ERC2: variants seen among roughly 807,000 people sequenced by gnomAD.
ERC2 encodes the protein ELKS/RAB6-interacting/CAST family member 2.
A neutral mutation model predicts 114.8 loss-of-function variants in ERC2; 42 were observed. The ratio of observed to expected loss-of-function variants is 0.37; its 90% confidence interval spans 0.29 to 0.47. The LOEUF (loss-of-function observed/expected upper bound fraction) is 0.47, where lower values mean the gene tolerates loss of function less well. ERC2 is among the 20% of genes least tolerant of loss of function. ERC2 has a pLI of 0.99. For synonymous variants in ERC2, 454 were observed against 425.5 expected (o/e 1.07, Z -0.82); for missense variants, 939 against 1,150.7 (o/e 0.82, Z 2.66).
Position 55,591,681 on chromosome 3 carries a change from A to G in ERC2, c.*40-80405T>C, listed in dbSNP as rs80348464. On this transcript the variant is annotated intron_variant, in intron 17 of 17. Coordinates refer to ENST00000288221, the MANE Select transcript of ERC2 (RefSeq NM_015576.3). ...TCCGCAATGAGGAAAAATAAGCACA[A>G]GTCTTGAGTGGGTCCCGGGGGTCTC... 8.4e-3 allele frequency among the ~76,000 whole-genome samples: 1,274 copies of G among 152,092 alleles called. 23 individuals are homozygous for G. Among genetic ancestry groups the G allele is most frequent in the African/African-American group, 0.029 (1,196 of 41,470 alleles).
At chr3:56,034,037 A>T (rs1190451001) in intron 7 of ERC2, among the ~76,000 whole-genome samples, 4 of 152,254 alleles carry the variant, frequency 2.6e-5, no homozygotes, top group Non-Finnish European at 5.9e-5. Context: ...AGAATGTCTA[A>T]ATTGATTTTT....
At position 56,173,692 on chromosome 3, in the gene ERC2, G is replaced by A. The variant is rs76369011; in HGVS notation, c.1075-172C>T. 4.0e-3 allele frequency: 2,282 copies of A among 565,508 alleles called. 25 individuals are homozygous for A. Among genetic ancestry groups the A allele is most frequent in the East Asian group, 0.024 (771 of 32,104 alleles). The allele number at this position is 565,508 out of a possible 1,614,324, so 35.0% of individuals were successfully genotyped here. On this transcript the variant is annotated intron_variant, in intron 3 of 17. Coordinates refer to ENST00000288221, the MANE Select transcript of ERC2 (RefSeq NM_015576.3). ...TTAGCATCCCTCCTGCCTGGAGCCT[G>A]CGTTCCGGTGAAAAGCTCCTGGCAC...
chr3:55,749,202 G>C (rs962904263), intron 14 of ERC2, among the ~76,000 whole-genome samples: 1 of 152,174 alleles, frequency 6.6e-6, no homozygotes, highest in African/African-American at 2.4e-5. Context: ...ACCACTTAGT[G>C]AGAAAACATC....
chr3:55,746,120 T>C (rs961891057), intron 14 of ERC2, among the ~76,000 whole-genome samples: 3 of 152,186 alleles, frequency 2.0e-5, no homozygotes, highest in Non-Finnish European at 4.4e-5. Flanking sequence ...TAAATTGTAA[T>C]ACAAAACAAA....
intron 16 of ERC2, 41 bp from the exon 17 acceptor site, chr3:55,683,900 G>A (rs1376678430): frequency 6.2e-6 from 10 of 1,600,156 alleles, no homozygotes; most frequent in Non-Finnish European, 8.5e-6. Flanking sequence ...AGAGAGGAGG[G>A]GAGCACCAGA....
At chr3:56,447,811 C>T (rs2062647728) in intron 1 of ERC2, among the ~76,000 whole-genome samples, 1 of 150,748 alleles carries the variant, frequency 6.6e-6, no homozygotes, top group Admixed American at 6.6e-5. Context: ...GGTGTGATCT[C>T]GGCTCACTGC....
At chr3:56,071,627 T>C (rs1242772933) in intron 7 of ERC2, among the ~76,000 whole-genome samples, 1 of 152,218 alleles carries the variant, frequency 6.6e-6, no homozygotes, top group Non-Finnish European at 1.5e-5. Context: ...GATGAATGAA[T>C]GGGCAGGCTT....
chr3:55,744,080 T>C (rs908032466), intron 14 of ERC2, among the ~76,000 whole-genome samples: 1 of 152,186 alleles, frequency 6.6e-6, no homozygotes, highest in Non-Finnish European at 1.5e-5. Context: ...ATCAGACTGA[T>C]TGCCAGCCCA....
intron 13 of ERC2, among the ~76,000 whole-genome samples, chr3:55,936,284 A>C (rs968802194): frequency 6.6e-6 from 1 of 152,178 alleles, no homozygotes; most frequent in Non-Finnish European, 1.5e-5. Context: ...CTGCTCACTT[A>C]TAATAACTCA....
At chr3:55,894,372 A>C (rs1405716571) in intron 13 of ERC2, among the ~76,000 whole-genome samples, 1 of 152,188 alleles carries the variant, frequency 6.6e-6, no homozygotes, top group East Asian at 1.9e-4. Flanking sequence ...GGTAATTTTT[A>C]CTCAAATTAT....
chr3:55,735,817 C>T (rs1013005815), intron 14 of ERC2, among the ~76,000 whole-genome samples: 4 of 152,050 alleles, frequency 2.6e-5, no homozygotes, highest in Non-Finnish European at 5.9e-5. Flanking sequence ...ACTGGAAACC[C>T]TGTTCTATTT....
chr3:55,852,790 C>A (rs1404314484), intron 14 of ERC2, among the ~76,000 whole-genome samples: 1 of 152,118 alleles, frequency 6.6e-6, no homozygotes, highest in East Asian at 1.9e-4. Context: ...AAATTTGTTT[C>A]AAAATTACTC....
At chr3:55,730,355 C>T (rs1001567537) in intron 15 of ERC2, among the ~76,000 whole-genome samples, 2 of 152,086 alleles carry the variant, frequency 1.3e-5, no homozygotes, top group African/African-American at 4.8e-5. Flanking sequence ...GAGAGTCTGG[C>T]AGAGTAGGTA....
At chr3:55,829,034 T>A (rs1334251121) in intron 14 of ERC2, among the ~76,000 whole-genome samples, 1 of 152,102 alleles carries the variant, frequency 6.6e-6, no homozygotes, top group African/African-American at 2.4e-5. Flanking sequence ...AGGAGGCTAA[T>A]GTGGGAGGAT....
At chr3:55,998,551 T>G (rs1224785046) in intron 10 of ERC2, among the ~76,000 whole-genome samples, 2 of 152,212 alleles carry the variant, frequency 1.3e-5, no homozygotes, top group Admixed American at 6.5e-5. Context: ...CCTGGAATTA[T>G]CTCTTAAATA....
At chr3:56,239,087 T>C (rs2051150061) in intron 3 of ERC2, among the ~76,000 whole-genome samples, 1 of 152,080 alleles carries the variant, frequency 6.6e-6, no homozygotes, top group South Asian at 2.1e-4. Flanking sequence ...AGAATCACAG[T>C]TTATCACACT....
intron 3 of ERC2, among the ~76,000 whole-genome samples, chr3:56,275,697 C>G (rs1415954541): frequency 6.6e-6 from 1 of 152,190 alleles, no homozygotes; most frequent in Non-Finnish European, 1.5e-5. Context: ...CTAGCAAACT[C>G]CCAGAAGATG....
chr3:56,065,311 C>T (rs1300966280), intron 7 of ERC2, among the ~76,000 whole-genome samples: 3 of 152,026 alleles, frequency 2.0e-5, no homozygotes, highest in African/African-American at 7.2e-5. Context: ...CAGCCTCAAC[C>T]TCCCGGACTC....
intron 16 of ERC2, among the ~76,000 whole-genome samples, chr3:55,687,654 C>T (rs1286596686): frequency 6.6e-6 from 1 of 152,202 alleles, no homozygotes; most frequent in Non-Finnish European, 1.5e-5. Flanking sequence ...GGGCAGTCTT[C>T]AGACTCGCCT....
Sources: gnomAD v4.1 joint callset for allele counts (sites outside exome capture counted in the v4.1 genomes callset) on GRCh38, gnomAD v4.1.1 for gene constraint, MANE v1.5 for transcripts, NCBI Gene and HGNC (gene_info 2026-07-23, HGNC 2026-07-21) for gene names.